The following RARRES1 variants were observed in gnomAD, a reference collection of about 807,000 sequenced individuals.
RARRES1 encodes retinoic acid receptor responder 1.
In RARRES1, 34 loss-of-function variants were observed where a neutral mutation model predicts 30.6. The observed-to-expected ratio is 1.11, with a 90% CI of 0.84 to 1.48. The LOEUF (loss-of-function observed/expected upper bound fraction) is 1.48, where lower values mean the gene tolerates loss of function less well. Among genes scored for constraint, RARRES1 ranks in the 40% most tolerant of loss-of-function variants. The probability of loss-of-function intolerance (pLI) is 0.00; values close to 1 mark genes in which losing one functional copy is unlikely to be tolerated. For synonymous variants in RARRES1, 153 were observed against 155.5 expected (o/e 0.98, Z 0.12); for missense variants, 373 against 386.5 (o/e 0.97, Z 0.29).
intron 3 of RARRES1, among the ~76,000 whole-genome samples, chr3:158,706,792 C>G (rs762514756): frequency 1.3e-5 from 2 of 152,144 alleles, no homozygotes; most frequent in Non-Finnish European, 2.9e-5. Context: ...AAAGTGGGAA[C>G]GTTTTGGGTG....
Position 158,704,798 on chromosome 3 carries a change from C to G in RARRES1, c.665G>C (p.Arg222Thr). 6.2e-7 allele frequency: 1 copy of G among 1,612,380 alleles called. No individual in the cohort carries two copies. Among genetic ancestry groups the G allele is most frequent in the Non-Finnish European group, 8.5e-7 (1 of 1,179,454 alleles). The change falls in exon 4 of 6, where the codon AGG becomes ACG. Residue 222 changes from arginine to threonine, a missense_variant. Transcript: ENST00000237696. ...TTTTCAGGTTTTTCTTACCCACTGC[C>G]TCACACTAGTGAGCTGTGCCAAGTA... is the stretch of plus-strand genomic sequence containing the variant. ...HYYLAQLTSV[R>T]QWKTNDDTID...
At chr3:158,712,477 C>T (rs773605675) in intron 2 of RARRES1, among the ~76,000 whole-genome samples, 19 of 152,326 alleles carry the variant, frequency 1.2e-4, no homozygotes, top group Admixed American at 7.2e-4. Flanking sequence ...CTGAGAAACA[C>T]TTTCCAGTAG....
chr3:158,727,751 T>G (rs1182951715), intron 1 of RARRES1, among the ~76,000 whole-genome samples: 1 of 152,240 alleles, frequency 6.6e-6, no homozygotes, highest in Non-Finnish European at 1.5e-5. Flanking sequence ...TCATTGGTTA[T>G]GGAAAGGTAG....
At chr3:158,715,225 G>T (rs1322384379) in intron 1 of RARRES1, among the ~76,000 whole-genome samples, 1 of 152,246 alleles carries the variant, frequency 6.6e-6, no homozygotes, top group Non-Finnish European at 1.5e-5. Context: ...GAGATATAAA[G>T]AAATATGATG....
intron 3 of RARRES1, among the ~76,000 whole-genome samples, chr3:158,707,039 C>T (rs113894627): frequency 1.3e-5 from 2 of 152,102 alleles, no homozygotes; most frequent in African/African-American, 4.8e-5. Flanking sequence ...TGTGGTGGCA[C>T]ACGCCTGTAA....
intron 1 of RARRES1, among the ~76,000 whole-genome samples, chr3:158,726,808 G>A (rs1372549438): frequency 2.6e-5 from 4 of 152,208 alleles, no homozygotes; most frequent in Non-Finnish European, 4.4e-5. Flanking sequence ...TGATTTGGAT[G>A]TTTGTCCTCT....
chr3:158,731,986 C>G (rs1274414741), intron 1 of RARRES1, among the ~76,000 whole-genome samples, 154 bp downstream of exon 1: 2 of 152,222 alleles, frequency 1.3e-5, no homozygotes, highest in African/African-American at 4.8e-5. Context: ...TCAGGGGCGC[C>G]AGGCCCAGCT....
rs1727925735 is a variant in RARRES1 at position 158,732,224 on chromosome 3, G to A, written c.192C>T (p.Arg64=). The change falls in exon 1 of 6, where the codon CGC becomes CGT. Residue 64 remains arginine, a synonymous_variant. Coordinates refer to ENST00000237696, the MANE Select transcript of RARRES1 (RefSeq NM_206963.2). ...GGAAGTTGAAGAAGTGAAGCGCCGC[G>A]CGCGCCGCCTGCTGCAGGAGCCTGC... The part of the protein sequence containing the change: ...VPRRLLQQAA[R]AALHFFNFRS... The A allele has an allele frequency of 7.1e-7, 1 of 1,404,778 alleles. No individual in the cohort carries two copies. Among genetic ancestry groups the A allele is most frequent in the Non-Finnish European group, 9.2e-7 (1 of 1,086,230 alleles). 87.0% of individuals were successfully genotyped at this position (1,404,778 alleles called of 1,614,324 possible). A position where few individuals can be genotyped will look rare whatever the true frequency, so the allele number is the denominator to read the frequency against.
chr3:158,706,078 C>T (rs1196678017), intron 3 of RARRES1, among the ~76,000 whole-genome samples: 1 of 152,166 alleles, frequency 6.6e-6, no homozygotes, highest in Admixed American at 6.5e-5. Flanking sequence ...GAAACTAATC[C>T]TTCTGGGTAA....
At chr3:158,707,671 A>G (rs1245874292) in intron 3 of RARRES1, among the ~76,000 whole-genome samples, 1 of 152,210 alleles carries the variant, frequency 6.6e-6, no homozygotes, top group African/African-American at 2.4e-5. Context: ...GAAAAAATGG[A>G]AAAGCTTCAA....
At chr3:158,728,325 C>T (rs1727754641) in intron 1 of RARRES1, among the ~76,000 whole-genome samples, 1 of 151,936 alleles carries the variant, frequency 6.6e-6, no homozygotes, top group Admixed American at 6.6e-5. Context: ...AATGCAGTGA[C>T]CCCTAGAATT....
chr3:158,713,819 C>G lies in RARRES1; in HGVS notation c.317G>C (p.Ser106Thr), dbSNP rs901611705. Residue 106 changes from serine to threonine, a missense_variant, in exon 2 of 6, where the codon AGC becomes ACC. Ser to Thr is a moderately conservative substitution (Grantham distance 58). Coordinates refer to ENST00000237696, the MANE Select transcript of RARRES1 (RefSeq NM_206963.2). Reference sequence around the variant, plus strand: ...TACCTCTGGGTTGTAGCGCTCTGTGCTGAAGACCACGTGAACTTTACATCC... The same window carrying G: ...TACCTCTGGGTTGTAGCGCTCTGTGGTGAAGACCACGTGAACTTTACATCC... ...KEGCKVHVVF[S>T]TERYNPESLL... 3.1e-6 allele frequency: 5 copies of G among 1,614,112 alleles called. No individual in the cohort carries two copies. Among genetic ancestry groups the G allele is most frequent in the Non-Finnish European group, 4.2e-6 (5 of 1,179,952 alleles).
At position 158,710,884 on chromosome 3, in the gene RARRES1, A is replaced by T; in HGVS notation, c.389T>A (p.Val130Glu). 6.2e-7 allele frequency: 1 copy of T among 1,614,028 alleles called. No individual in the cohort carries two copies. The highest frequency in any genetic ancestry group is 8.5e-7 in the Non-Finnish European group (1 of 1,179,958). Residue 130 changes from valine (V) to glutamate (E), a missense_variant, in exon 3 of 6, where the codon GTG becomes GAG. By Grantham distance (121) the Val-to-Glu change is moderately radical. Transcript: ENST00000237696. ...EGRLGKCSAR[V>E]FFKNQKPRPT... ...TCTGGGTTTCTGATTCTTGAAAAAC[A>T]CTCGAGCAGAACATTTCCCCAAACG...
chr3:158,700,223 G>A (rs199544966), intron 4 of RARRES1, among the ~76,000 whole-genome samples: 227 of 147,342 alleles, frequency 1.5e-3, no homozygotes, highest in East Asian at 7.8e-3. Flanking sequence ...GTGTGTGTGT[G>A]TATATATATA....
intron 1 of RARRES1, among the ~76,000 whole-genome samples, chr3:158,715,697 C>G (rs769267982): frequency 6.6e-6 from 1 of 152,184 alleles, no homozygotes; most frequent in Non-Finnish European, 1.5e-5. Flanking sequence ...ACACAAGAGA[C>G]TGACCCAAGT....
At chr3:158,706,001 T>G (rs1169384440) in intron 3 of RARRES1, among the ~76,000 whole-genome samples, 1 of 152,218 alleles carries the variant, frequency 6.6e-6, no homozygotes, top group African/African-American at 2.4e-5. Context: ...TTATGCAGTT[T>G]TGTAGGGATA....
chr3:158,708,605 T>C (rs941661090), intron 3 of RARRES1, among the ~76,000 whole-genome samples: 1 of 152,212 alleles, frequency 6.6e-6, no homozygotes, highest in Admixed American at 6.5e-5. Context: ...TCTTCTCACT[T>C]ACCCATTGTA....
At chr3:158,718,116 C>A (rs1161658183) in intron 1 of RARRES1, among the ~76,000 whole-genome samples, 1 of 151,838 alleles carries the variant, frequency 6.6e-6, no homozygotes, top group African/African-American at 2.4e-5. Flanking sequence ...GTAGCTGGGA[C>A]TACAGGCACA....
chr3:158,722,635 C>T (rs144385748), intron 1 of RARRES1, among the ~76,000 whole-genome samples: 1,917 of 152,212 alleles, frequency 0.013, 44 homozygotes, highest in African/African-American at 0.044. Flanking sequence ...GTAATCCCAG[C>T]ACTTTGGGAG....
Sources: gnomAD v4.1 joint callset for allele counts (sites outside exome capture counted in the v4.1 genomes callset) on GRCh38, gnomAD v4.1.1 for gene constraint, MANE v1.5 for transcripts, NCBI Gene and HGNC (gene_info 2026-07-23, HGNC 2026-07-21) for gene names.